The following LINGO1 variants were observed in gnomAD, a reference collection of about 807,000 sequenced individuals.
LINGO1 encodes the protein leucine-rich repeat and immunoglobulin-like domain-containing nogo receptor-interacting protein 1.
A neutral mutation model predicts 37.3 loss-of-function variants in LINGO1; 11 were observed. That is an observed-to-expected ratio of 0.29 (90% CI 0.19 to 0.49). LINGO1 has a LOEUF of 0.49. LINGO1 is among the 20% of genes least tolerant of loss of function. The pLI, the probability that LINGO1 is intolerant of heterozygous loss-of-function variation, is 0.99. For missense variants in LINGO1, 585 were observed against 878.2 expected, an observed-to-expected ratio of 0.67 and a Z score of 4.22; for synonymous variants, 387 against 403.0, an observed-to-expected ratio of 0.96 and a Z score of 0.48.
chr15:77,710,925 G>A (rs1281716439), intron 2 of LINGO1, among the ~76,000 whole-genome samples: 1 of 152,170 alleles, frequency 6.6e-6, no homozygotes, highest in African/African-American at 2.4e-5. Flanking sequence ...CAGGCCTCAG[G>A]GGCCTCTGGT....
In LINGO1 at chr15:77,811,175, GC is replaced by G. The variant is rs532776082; in HGVS notation, c.-458+9082del. The stretch of plus-strand genomic sequence containing the variant: ...TGCTCCCACAGGGTGGCCGGTGGGG[GC>G]AGCCCAGCTGCTTCTGCCAACAGAG... On this transcript the variant is annotated intron_variant, in intron 1 of 5. Coordinates refer to the LINGO1 transcript ENST00000562933. Among the ~76,000 whole-genome samples the G allele has an allele frequency of 8.5e-5, 13 of 152,128 alleles. No individual in the cohort carries two copies. The South Asian group carries it at 2.5e-3, about 29-fold the overall frequency.
intron 1 of LINGO1, among the ~76,000 whole-genome samples, chr15:77,736,325 C>T (rs1360158749): frequency 6.6e-6 from 1 of 152,208 alleles, no homozygotes; most frequent in African/African-American, 2.4e-5. Flanking sequence ...CTTTCCCTGT[C>T]CATACATAGC....
At chr15:77,820,544 T>C (rs982021835), upstream of LINGO1, among the ~76,000 whole-genome samples, 3 of 152,112 alleles carry the variant, frequency 2.0e-5, no homozygotes, top group Non-Finnish European at 4.4e-5. Flanking sequence ...GCCGTCTGAG[T>C]CTGAACTCCA....
intron 2 of LINGO1, among the ~76,000 whole-genome samples, chr15:77,681,788 AG>A (rs2075417855): frequency 6.6e-6 from 1 of 151,920 alleles, no homozygotes; most frequent in African/African-American, 2.4e-5. Context: ...GGAGTGGAGG[AG>A]GGAAAGTGGC....
At chr15:77,713,487 C>A (rs1428101928) in intron 2 of LINGO1, among the ~76,000 whole-genome samples, 1 of 151,872 alleles carries the variant, frequency 6.6e-6, no homozygotes, top group Non-Finnish European at 1.5e-5. Context: ...TTAGTAGCAG[C>A]CAAGCGGGAG....
chr15:77,672,053 G>T (rs370815019), intron 3 of LINGO1, among the ~76,000 whole-genome samples: 2 of 146,432 alleles, frequency 1.4e-5, no homozygotes, highest in Non-Finnish European at 2.9e-5. Flanking sequence ...AAGCACATGG[G>T]TACAGGAACA....
chr15:77,637,150 T>C (rs770358288), upstream of LINGO1, among the ~76,000 whole-genome samples: 6 of 152,162 alleles, frequency 3.9e-5, no homozygotes, highest in Non-Finnish European at 8.8e-5. This position sits in a 1 kb window ranked among gnomAD's most constrained non-coding sequence, Gnocchi z 4.6. Flanking sequence ...ATCCTCCACA[T>C]CCTGCATGGG....
At chr15:77,662,212 G>C (rs529609915) in intron 3 of LINGO1, among the ~76,000 whole-genome samples, 4 of 152,142 alleles carry the variant, frequency 2.6e-5, no homozygotes, top group Non-Finnish European at 5.9e-5. Context: ...CAGTCAGGTA[G>C]GGTTAGCAGA....
At chr15:77,794,762 T>C (rs1183646502) in intron 2 of LINGO1, among the ~76,000 whole-genome samples, 2 of 151,888 alleles carry the variant, frequency 1.3e-5, no homozygotes, top group East Asian at 3.9e-4. Context: ...TAATTTTTTG[T>C]ATTTTTTTTA....
intron 3 of LINGO1, among the ~76,000 whole-genome samples, chr15:77,643,262 G>A (rs933887083): frequency 1.3e-5 from 2 of 152,206 alleles, no homozygotes; most frequent in Non-Finnish European, 2.9e-5. Context: ...GGAGCAGGAC[G>A]GCTGTGTGGG....
At chr15:77,812,538 C>A (rs1179990475) in intron 1 of LINGO1, among the ~76,000 whole-genome samples, 1 of 152,232 alleles carries the variant, frequency 6.6e-6, no homozygotes, top group Non-Finnish European at 1.5e-5. Context: ...TCCTCCCCAG[C>A]CCTCTAGCCC....
chr15:77,690,580 G>A (rs1773394121), intron 2 of LINGO1: 1 of 152,212 alleles, frequency 6.6e-6, no homozygotes, highest in Non-Finnish European at 1.5e-5. Flanking sequence ...GTTTGTTTTA[G>A]TTTTTGTACT....
At chr15:77,780,472 G>GGAGT (rs1567580447) in intron 1 of LINGO1, among the ~76,000 whole-genome samples, 3 of 152,056 alleles carry the variant, frequency 2.0e-5, no homozygotes, top group Admixed American at 2.0e-4. Flanking sequence ...GTGTCATTAT[G>GGAGT]GAGTGTCTAG....
intron 3 of LINGO1, among the ~76,000 whole-genome samples, chr15:77,658,539 C>T (rs910136760): frequency 1.3e-5 from 2 of 152,166 alleles, no homozygotes; most frequent in African/African-American, 4.8e-5. Flanking sequence ...GCAGCCGATC[C>T]GCAAGTAATA....
intron 3 of LINGO1, among the ~76,000 whole-genome samples, chr15:77,663,584 C>T (rs1012128619): frequency 6.6e-6 from 1 of 152,342 alleles, no homozygotes; most frequent in South Asian, 2.1e-4. Flanking sequence ...CTCAGAAACC[C>T]CTTCCCACCT....
chr15:77,623,528 C>T (rs1222112985), intron 1 of LINGO1, among the ~76,000 whole-genome samples: 1 of 152,208 alleles, frequency 6.6e-6, no homozygotes, highest in Non-Finnish European at 1.5e-5. Flanking sequence ...TGCCTCCTGG[C>T]CCATGGGGAG....
intron 1 of LINGO1, among the ~76,000 whole-genome samples, chr15:77,812,380 T>A (rs1416288875): frequency 6.6e-6 from 1 of 152,174 alleles, no homozygotes; most frequent in African/African-American, 2.4e-5. Context: ...AAAGGCAAAG[T>A]GTCACCGGAC....
chr15:77,633,209 G>A (rs1419999871), upstream of LINGO1, among the ~76,000 whole-genome samples: 1 of 152,068 alleles, frequency 6.6e-6, no homozygotes, highest in African/African-American at 2.4e-5. Flanking sequence ...GGCGAGTCCC[G>A]GGCCAGCCGG....
intron 1 of LINGO1, among the ~76,000 whole-genome samples, chr15:77,620,558 C>A (rs967566568): frequency 2.0e-5 from 3 of 152,388 alleles, no homozygotes; most frequent in Admixed American, 1.3e-4. Context: ...TGTGTGACCT[C>A]GGCAATGCCT....
Sources: allele counts gnomAD v4.1 joint callset (sites outside exome capture counted in the v4.1 genomes callset), GRCh38; gene constraint gnomAD v4.1.1; non-coding constraint Gnocchi (gnomAD v3.1); transcripts MANE v1.5; gene names NCBI Gene and HGNC (gene_info 2026-07-23, HGNC 2026-07-21).